Variants in TPRG1 observed in about 807,000 individuals in gnomAD.
The protein encoded by TPRG1 is tumor protein p63 regulated 1.
TPRG1 carries 29 observed loss-of-function variants against 29.3 expected under a neutral mutation model. That is an observed-to-expected ratio of 0.99 (90% CI 0.74 to 1.35). The LOEUF (loss-of-function observed/expected upper bound fraction) is 1.35. Ranked by LOEUF, TPRG1 falls within the 40% of genes most tolerant of loss-of-function variation. The pLI is 0.00. For missense variants in TPRG1, 327 were observed against 335.0 expected (o/e 0.98, Z 0.19); for synonymous variants, 130 against 116.8 (o/e 1.11, Z -0.73).
At chr3:189,120,612 A>G (rs566457006) in intron 1 of TPRG1, among the ~76,000 whole-genome samples, 1 of 152,382 alleles carries the variant, frequency 6.6e-6, no homozygotes, top group East Asian at 1.9e-4. Context: ...TTGAATTCAC[A>G]TAAATGGAAC....
intron 5 of TPRG1, among the ~76,000 whole-genome samples, chr3:189,162,456 T>G (rs1330437536): frequency 6.6e-6 from 1 of 152,182 alleles, no homozygotes; most frequent in Non-Finnish European, 1.5e-5. Flanking sequence ...AGGATAATAA[T>G]TTTGTACTCA....
intron 4 of TPRG1, among the ~76,000 whole-genome samples, chr3:189,073,110 T>C (rs1716906928): frequency 6.6e-6 from 1 of 152,360 alleles, no homozygotes; most frequent in South Asian, 2.1e-4. Context: ...AACTGAGATC[T>C]GGGTACTAGA....
chr3:189,157,427 C>T (rs934889739), intron 5 of TPRG1, among the ~76,000 whole-genome samples: 2 of 152,060 alleles, frequency 1.3e-5, no homozygotes, highest in Admixed American at 6.5e-5. Flanking sequence ...AGGCTCCATT[C>T]GACAGAGTCC....
upstream of TPRG1, among the ~76,000 whole-genome samples, chr3:189,168,270 C>T (rs1728392810): frequency 6.6e-6 from 1 of 152,092 alleles, no homozygotes; most frequent in Non-Finnish European, 1.5e-5. Flanking sequence ...CAGCCTTGAG[C>T]TCATCTGATA....
At chr3:189,253,882 GGCC>G (rs1742659832) in intron 4 of TPRG1, among the ~76,000 whole-genome samples, 1 of 152,088 alleles carries the variant, frequency 6.6e-6, no homozygotes, top group South Asian at 2.1e-4. Flanking sequence ...TATGTTTGTT[GGCC>G]GCATAAATGT....
intron 4 of TPRG1, among the ~76,000 whole-genome samples, chr3:189,089,283 ATCTTC>A (rs1274872086): frequency 2.0e-5 from 3 of 152,116 alleles, no homozygotes; most frequent in African/African-American, 7.2e-5. Flanking sequence ...TATTTTTTCA[ATCTTC>A]TCTTCTGACT....
At chr3:189,304,101 C>T (rs1332764866) in intron 4 of TPRG1, among the ~76,000 whole-genome samples, 1 of 141,750 alleles carries the variant, frequency 7.1e-6, no homozygotes, top group Non-Finnish European at 1.5e-5. Context: ...TAAGTTATCC[C>T]TTGGGTTAAC....
chr3:189,271,469 C>T (rs1033401670), intron 4 of TPRG1, among the ~76,000 whole-genome samples: 1 of 152,190 alleles, frequency 6.6e-6, no homozygotes, highest in Non-Finnish European at 1.5e-5. Context: ...TATGTTGTTT[C>T]TTTACTGAAG....
intron 4 of TPRG1, among the ~76,000 whole-genome samples, chr3:189,308,803 A>G (rs1722010068): frequency 6.6e-6 from 1 of 152,170 alleles, no homozygotes; most frequent in Admixed American, 6.5e-5. Context: ...AGCAGTAAAT[A>G]ATTCCATTGT....
chr3:189,134,093 C>T (rs963524695), intron 3 of TPRG1, among the ~76,000 whole-genome samples: 4 of 152,070 alleles, frequency 2.6e-5, no homozygotes, highest in Admixed American at 1.3e-4. Context: ...GGTTTGTTTC[C>T]AGTCAAGGTC....
At chr3:189,156,995 A>G (rs1317436579) in intron 5 of TPRG1, among the ~76,000 whole-genome samples, 1 of 152,140 alleles carries the variant, frequency 6.6e-6, no homozygotes, top group Non-Finnish European at 1.5e-5. Flanking sequence ...GCCAGTGACA[A>G]AAGTCATACT....
chr3:189,294,489 C>G (rs1158323168), intron 4 of TPRG1, among the ~76,000 whole-genome samples: 1 of 152,116 alleles, frequency 6.6e-6, no homozygotes, highest in African/African-American at 2.4e-5. Context: ...TACTGAAACA[C>G]TCATTAGTCT....
At chr3:189,005,472 A>G (rs547105591) in intron 3 of TPRG1, among the ~76,000 whole-genome samples, 19 of 152,254 alleles carry the variant, frequency 1.2e-4, no homozygotes, top group African/African-American at 3.8e-4. Flanking sequence ...AAAATTTTCA[A>G]ATCAGGAAAA....
intron 5 of TPRG1, among the ~76,000 whole-genome samples, chr3:189,159,489 G>A (rs1460543921): frequency 6.6e-6 from 1 of 152,112 alleles, no homozygotes; most frequent in African/African-American, 2.4e-5. Context: ...GAAGAGGGAA[G>A]GACAGAGTCC....
intron 4 of TPRG1, among the ~76,000 whole-genome samples, chr3:189,293,507 T>C (rs765007763): frequency 7.2e-5 from 11 of 152,070 alleles, no homozygotes; most frequent in Admixed American, 2.0e-4. Context: ...ATAGGTTTCC[T>C]ACCCCACAGA....
intron 1 of TPRG1, among the ~76,000 whole-genome samples, chr3:189,206,495 A>T (rs1734392372): frequency 7.4e-6 from 1 of 135,620 alleles, no homozygotes; most frequent in African/African-American, 3.0e-5. Flanking sequence ...GTTGTGATGA[A>T]CAAACTTTTT....
At chr3:189,239,971 G>A (rs1304547753) in intron 4 of TPRG1, among the ~76,000 whole-genome samples, 1 of 152,166 alleles carries the variant, frequency 6.6e-6, no homozygotes. Context: ...AAGACTGAAT[G>A]TGAGGTCTTC....
At chr3:189,287,118 C>T (rs561903370) in intron 4 of TPRG1, among the ~76,000 whole-genome samples, 30 of 152,152 alleles carry the variant, frequency 2.0e-4, no homozygotes, top group African/African-American at 7.2e-4. Flanking sequence ...CTTGTCACCG[C>T]ATGGTTGCAA....
intron 3 of TPRG1, among the ~76,000 whole-genome samples, chr3:189,146,464 A>C (rs1725276890): frequency 6.6e-6 from 1 of 152,244 alleles, no homozygotes. Flanking sequence ...TTCTCAAAAA[A>C]ACAAATGTTG....
Sources: gnomAD v4.1 joint callset for allele counts (sites outside exome capture counted in the v4.1 genomes callset) on GRCh38, gnomAD v4.1.1 for gene constraint, MANE v1.5 for transcripts, NCBI Gene and HGNC (gene_info 2026-07-23, HGNC 2026-07-21) for gene names.